Variants in SYNE3 observed in about 807,000 individuals in gnomAD.
The protein encoded by SYNE3 is nesprin-3.
SYNE3 carries 100 observed loss-of-function variants against 111.2 expected under a neutral mutation model. The observed-to-expected ratio is 0.90, with a 90% CI of 0.77 to 1.06. The LOEUF is 1.06. SYNE3 is among the 50% of genes least tolerant of loss of function. The pLI is 0.00. For synonymous variants in SYNE3, 547 were observed against 533.9 expected, an observed-to-expected ratio of 1.02 and a Z score of -0.34; for missense variants, 1,160 against 1,240.3, an observed-to-expected ratio of 0.94 and a Z score of 0.97.
intron 1 of SYNE3, among the ~76,000 whole-genome samples, chr14:95,491,018 AT>A (rs1303794550): frequency 5.3e-5 from 8 of 152,198 alleles, no homozygotes; most frequent in African/African-American, 1.9e-4. Flanking sequence ...AGTGCTGCTT[AT>A]TCAATAAATA....
At chr14:95,452,519 C>A (rs1387460811) in intron 6 of SYNE3, 136 bp from the exon 7 acceptor site, 74 of 1,184,960 alleles carry the variant, frequency 6.2e-5, no homozygotes, top group Middle Eastern at 6.0e-4. Context: ...GGAACTGGGG[C>A]CCCACTCTTG....
chr14:95,513,917 T>C (rs1890816630), intron 1 of SYNE3, among the ~76,000 whole-genome samples: 1 of 151,812 alleles, frequency 6.6e-6, no homozygotes, highest in African/African-American at 2.4e-5. Context: ...AGGAAGAGCA[T>C]CAGGTCAAAA....
Position 95,443,569 on chromosome 14 carries a change from T to C in SYNE3, c.1777-280A>G, listed in dbSNP as rs139324335. On this transcript the variant is annotated intron_variant, in intron 10 of 17. Transcript: ENST00000682763. The stretch of plus-strand genomic sequence containing the variant: ...TGGCATCTCTGGGGACAAACTCACA[T>C]TGGGACTCATACTTGATGACCACCT... The C allele has an allele frequency of 2.9e-3, 1,128 of 383,690 alleles. 10 individuals are homozygous for C. Among genetic ancestry groups the C allele is most frequent in the Admixed American group, 4.9e-3 (111 of 22,802 alleles). 23.8% of individuals were successfully genotyped at this position (383,690 alleles called of 1,614,324 possible).
chr14:95,441,092 C>T (rs1053388539), intron 11 of SYNE3, among the ~76,000 whole-genome samples: 1 of 152,208 alleles, frequency 6.6e-6, no homozygotes, highest in African/African-American at 2.4e-5. Flanking sequence ...ATGAACCAGT[C>T]AGACCCCAGG....
intron 2 of SYNE3, among the ~76,000 whole-genome samples, chr14:95,472,874 G>A (rs989975309): frequency 5.3e-5 from 8 of 152,108 alleles, no homozygotes; most frequent in East Asian, 3.9e-4. Context: ...ATGAGGTCCC[G>A]GGAAGGCATG....
At position 95,466,143 on chromosome 14, in the gene SYNE3, G is replaced by A; in HGVS notation, c.415C>T (p.His139Tyr). The change falls in exon 4 of 18, where the codon CAC becomes TAC. Residue 139 changes from histidine (H) to tyrosine (Y), a missense_variant. By Grantham distance (83) the His-to-Tyr change is moderately conservative. Coordinates refer to ENST00000682763, the MANE Select transcript of SYNE3 (RefSeq NM_152592.6). ...TTCAGGCCCAGCTGGAGCTCGATGTGGGGCTCCAGTGTGACCATCATCTTC... is the reference window on the plus strand; with the variant it reads ...TTCAGGCCCAGCTGGAGCTCGATGTAGGGCTCCAGTGTGACCATCATCTTC... ...FQKMMVTLEP[H>Y]IELQLGLKEK... is the part of the protein sequence containing the mutation. 2 of 1,612,094 alleles carry A rather than the reference G, an allele frequency of 1.2e-6. No homozygotes were observed. The highest frequency in any genetic ancestry group is 1.7e-6 in the Non-Finnish European group (2 of 1,178,408).
At chr14:95,483,986 T>A (rs1889404372) in intron 1 of SYNE3, among the ~76,000 whole-genome samples, 1 of 152,112 alleles carries the variant, frequency 6.6e-6, no homozygotes, top group South Asian at 2.1e-4. Context: ...AGACCGGTGG[T>A]GTCTGGTAGG....
chr14:95,488,054 C>A (rs1397297901), intron 1 of SYNE3, among the ~76,000 whole-genome samples: 4 of 152,152 alleles, frequency 2.6e-5, no homozygotes, highest in Admixed American at 6.5e-5. Context: ...ATTTTCTTTT[C>A]TCTAGCTTAC....
rs947966853 is a variant in SYNE3 at position 95,502,717 on chromosome 14, T to C, written c.-15+13879A>G. ...CAGGAACTCACCTCTGGCATTCGTT[T>C]CACAAGGCCCTGAGGATTCCATTAT... On this transcript the variant is annotated intron_variant, in intron 1 of 17. Transcript: ENST00000682763. 2.6e-5 allele frequency among the ~76,000 whole-genome samples: 4 copies of C among 152,304 alleles called. 1 individual carries two copies. The highest frequency in any genetic ancestry group is 1.5e-5 in the Non-Finnish European group (1 of 68,018).
At chr14:95,496,201 T>C (rs1890085196) in intron 1 of SYNE3, among the ~76,000 whole-genome samples, 1 of 152,224 alleles carries the variant, frequency 6.6e-6, no homozygotes, top group South Asian at 2.1e-4. Flanking sequence ...TGACAAATCC[T>C]TCAAAGCCTA....
intron 1 of SYNE3, among the ~76,000 whole-genome samples, chr14:95,488,814 G>A (rs1889692949): frequency 6.6e-6 from 1 of 151,806 alleles, no homozygotes. Context: ...AGCCATGTGT[G>A]AATTCCAATT....
intron 1 of SYNE3, among the ~76,000 whole-genome samples, chr14:95,491,419 C>T (rs1172870102): frequency 6.6e-6 from 1 of 152,102 alleles, no homozygotes; most frequent in African/African-American, 2.4e-5. Context: ...AAACAATCAA[C>T]CCTTGTATTT....
intron 1 of SYNE3, among the ~76,000 whole-genome samples, chr14:95,483,946 G>A (rs572299323): frequency 5.3e-5 from 8 of 152,322 alleles, no homozygotes; most frequent in Non-Finnish European, 8.8e-5. Context: ...AAGCGGTCCC[G>A]AAGCCATTTT....
chr14:95,466,964 A>G (rs922745354), intron 3 of SYNE3, among the ~76,000 whole-genome samples: 26 of 152,200 alleles, frequency 1.7e-4, no homozygotes, highest in African/African-American at 5.5e-4. Context: ...TGGGGACGGA[A>G]GGCTGGGAGC....
intron 4 of SYNE3, among the ~76,000 whole-genome samples, chr14:95,459,180 C>A (rs1227141232): frequency 2.6e-5 from 4 of 152,212 alleles, no homozygotes; most frequent in African/African-American, 9.6e-5. Context: ...GGCCGCATTC[C>A]AATAAAACTT....
intron 7 of SYNE3, 31 bp downstream of exon 7, chr14:95,452,216 G>C (rs1887130022): frequency 1.3e-6 from 2 of 1,559,056 alleles, no homozygotes; most frequent in Non-Finnish European, 1.7e-6. Flanking sequence ...AGCACACCCT[G>C]AGTCCCACCA....
rs1595161005 is a variant in SYNE3, at chr14:95,409,179, T to C, written c.*8647A>G. 4.4e-6 allele frequency: 2 copies of C among 456,730 alleles called. No homozygotes were observed. Among genetic ancestry groups the C allele is most frequent in the Non-Finnish European group, 8.8e-6 (2 of 226,966 alleles). The allele number at this position is 456,730 out of a possible 1,614,324, so 28.3% of individuals were successfully genotyped here. ...GGAGCACTGGGCTCGGAGCCAGTCA[T>C]GCCTGGGTACAAGTCCCAAATTTAC... On this transcript the variant is annotated 3_prime_UTR_variant, in exon 18 of 18. Coordinates refer to ENST00000682763, the MANE Select transcript of SYNE3 (RefSeq NM_152592.6).
At chr14:95,426,512 G>A (rs1486571978) in intron 17 of SYNE3, among the ~76,000 whole-genome samples, 2 of 152,160 alleles carry the variant, frequency 1.3e-5, no homozygotes, top group African/African-American at 4.8e-5. Context: ...AAAGGAGAAG[G>A]TAGTTGTGAG....
chr14:95,514,228 T>G (rs929907245), intron 1 of SYNE3, among the ~76,000 whole-genome samples: 5 of 151,850 alleles, frequency 3.3e-5, no homozygotes, highest in African/African-American at 9.7e-5. Context: ...CAGGCTGGAG[T>G]CCCCTGGCTT....
Sources: allele counts gnomAD v4.1 joint callset (sites outside exome capture counted in the v4.1 genomes callset), GRCh38; gene constraint gnomAD v4.1.1; transcripts MANE v1.5; gene names NCBI Gene and HGNC (gene_info 2026-07-23, HGNC 2026-07-21).